The following ZNF292 variants were observed in gnomAD, a reference collection of about 807,000 sequenced individuals.
ZNF292 encodes the protein 16 zinc-finger domain protein.
A neutral mutation model predicts 217.9 loss-of-function variants in ZNF292; 26 were observed. The observed-to-expected ratio is 0.12, with a 90% CI of 0.09 to 0.17. The LOEUF (loss-of-function observed/expected upper bound fraction) is 0.17, where lower values mean the gene tolerates loss of function less well. Among genes scored for constraint, ZNF292 ranks in the 10% least tolerant of loss-of-function variants. The probability of loss-of-function intolerance (pLI) is 1.00; values close to 1 mark genes in which losing one functional copy is unlikely to be tolerated. For missense variants in ZNF292, 2,904 were observed against 3,175.2 expected (o/e 0.91, Z 2.05); for synonymous variants, 1,257 against 1,124.1 (o/e 1.12, Z -2.37).
intron 1 of ZNF292, among the ~76,000 whole-genome samples, chr6:87,196,071 G>A (rs1771947257): frequency 6.6e-6 from 1 of 151,696 alleles, no homozygotes; most frequent in Admixed American, 6.6e-5. Context: ...GAATTAGGAT[G>A]TTTCTATTTG....
chr6:87,167,545 C>T (rs1352072246), intron 1 of ZNF292, among the ~76,000 whole-genome samples: 4 of 152,136 alleles, frequency 2.6e-5, no homozygotes, highest in African/African-American at 4.8e-5. Flanking sequence ...GGAGGCTGAG[C>T]AAGGAGAATC....
chr6:87,177,260 G>A (rs879188955), intron 1 of ZNF292, among the ~76,000 whole-genome samples: 1 of 151,624 alleles, frequency 6.6e-6, no homozygotes, highest in East Asian at 1.9e-4. Flanking sequence ...CTGGGAGGCG[G>A]AGTTTGCAGT....
At chr6:87,190,629 A>G (rs1486919835) in intron 1 of ZNF292, among the ~76,000 whole-genome samples, 1 of 152,086 alleles carries the variant, frequency 6.6e-6, no homozygotes, top group Non-Finnish European at 1.5e-5. Context: ...GCGTGCCACC[A>G]CACCCAGCTA....
In ZNF292 at chr6:87,257,119, T is replaced by C. The variant is rs1281493614; in HGVS notation, c.3490T>C (p.Ser1164Pro). The change falls in exon 8 of 8, where the codon TCA (serine) becomes CCA (proline). Residue 1164 changes from serine (S) to proline (P), a missense_variant. Around this residue, in one of 15 missense-constraint regions of ZNF292, gnomAD observed 687 missense variants for 623.0 expected, o/e 1.10. Transcript: ENST00000369577. ...TTTTTTGCCATCACCGGTGAACAGCTCAAATCCATTTTTTACATCACAGAC... is the reference window on the plus strand; with the variant it reads ...TTTTTTGCCATCACCGGTGAACAGCCCAAATCCATTTTTTACATCACAGAC... ...VYFLPSPVNS[S>P]NPFFTSQTKA... is the part of the protein sequence containing the mutation. 1.2e-6 allele frequency: 2 copies of C among 1,613,748 alleles called. No individual in the cohort carries two copies. The highest frequency in any genetic ancestry group is 1.6e-4 in the Middle Eastern group (1 of 6,082).
intron 4 of ZNF292, among the ~76,000 whole-genome samples, chr6:87,231,571 CATT>C (rs1381980105): frequency 2.0e-5 from 3 of 152,158 alleles, no homozygotes; most frequent in Non-Finnish European, 2.9e-5. Context: ...GGTTTCCCAT[CATT>C]AAGAGACAAA....
rs938189505 is a variant in ZNF292, at chr6:87,183,713, C to A, written c.168+27954C>A. On this transcript the variant is annotated intron_variant, in intron 1 of 7. Coordinates refer to ENST00000369577, the MANE Select transcript of ZNF292 (RefSeq NM_015021.3). ...ATATTTTTGCAAGCATAAATAGATA[C>A]ACTAAGGATAGTCACATGGGTATAA... 3.3e-5 allele frequency among the ~76,000 whole-genome samples: 5 copies of A among 152,286 alleles called. No individual in the cohort carries two copies. In the East Asian group the frequency reaches 9.6e-4, roughly 29 times the overall value.
intron 1 of ZNF292, chr6:87,169,674 G>T: frequency 2.3e-6 from 1 of 436,222 alleles, no homozygotes; most frequent in Non-Finnish European, 4.6e-6. Flanking sequence ...TTTGAGACAG[G>T]GTCTCACTGT....
intron 1 of ZNF292, 73 bp downstream of exon 1, chr6:87,155,832 C>A: frequency 6.9e-7 from 1 of 1,449,604 alleles, no homozygotes; most frequent in South Asian, 1.4e-5. Flanking sequence ...CGCTAGGCGG[C>A]CGAGAGGTGG....
intron 1 of ZNF292, among the ~76,000 whole-genome samples, chr6:87,183,952 T>G (rs552997454): frequency 6.6e-6 from 1 of 152,310 alleles, no homozygotes; most frequent in South Asian, 2.1e-4. Context: ...AGCCAAGATC[T>G]CAAGAGATTT....
chr6:87,189,179 T>TG (rs1204645614), intron 1 of ZNF292, among the ~76,000 whole-genome samples: 1 of 151,980 alleles, frequency 6.6e-6, no homozygotes, highest in African/African-American at 2.4e-5. Flanking sequence ...CACTTCAGCC[T>TG]GGGCGACAGA....
rs1357239575 is a variant in ZNF292, at chr6:87,233,612, TTAGA to T, written c.741+89_741+92del. 12 of 1,531,236 alleles carry T rather than the reference TTAGA, an allele frequency of 7.8e-6. No homozygotes were observed. In the Admixed American group the frequency reaches 9.8e-5, roughly 12 times the overall value. The allele number at this position is 1,531,236 out of a possible 1,614,324, so 94.9% of individuals were successfully genotyped here. On this transcript the variant is annotated intron_variant, in intron 5 of 7. Transcript: ENST00000369577. ...AGAATGTCTTTGATTTCCTTTTCTC[TTAGA>T]TAGCGAAGAGATCATTGTCAATCTT...
chr6:87,242,447 C>T (rs1278904219), intron 5 of ZNF292, among the ~76,000 whole-genome samples: 1 of 152,162 alleles, frequency 6.6e-6, no homozygotes, highest in Admixed American at 6.6e-5. Flanking sequence ...CAGGATTACC[C>T]GCATTCTCCA....
chr6:87,242,635 G>T (rs73485822), intron 5 of ZNF292, among the ~76,000 whole-genome samples: 124 of 152,166 alleles, frequency 8.1e-4, no homozygotes, highest in Admixed American at 1.8e-3. Context: ...TACCATATTG[G>T]AATTAATCTT....
intron 6 of ZNF292, among the ~76,000 whole-genome samples, chr6:87,244,086 A>G (rs940148377): frequency 1.3e-5 from 2 of 152,354 alleles, no homozygotes; most frequent in Admixed American, 1.3e-4. Flanking sequence ...TTATCTGGTC[A>G]GTCAACAGCA....
intron 1 of ZNF292, among the ~76,000 whole-genome samples, chr6:87,191,623 A>T (rs1771825201): frequency 6.6e-6 from 1 of 152,176 alleles, no homozygotes; most frequent in African/African-American, 2.4e-5. Flanking sequence ...TTGTTTTTGA[A>T]GCTTTATAAT....
chr6:87,262,618 A>G lies in ZNF292; in HGVS notation c.*817A>G, dbSNP rs1395945618. On this transcript the variant is annotated 3_prime_UTR_variant, in exon 8 of 8. Transcript: ENST00000369577. Reference sequence around the variant, plus strand: ...ACATTGAAGATTTTAAACATTTGGTATTAAAAAAAAATCCTTTGTGAATGT... The same window carrying G: ...ACATTGAAGATTTTAAACATTTGGTGTTAAAAAAAAATCCTTTGTGAATGT... 1 of 151,858 alleles carries G rather than the reference A, an allele frequency of 6.6e-6. No homozygotes were observed. Among genetic ancestry groups the G allele is most frequent in the Non-Finnish European group, 1.5e-5 (1 of 67,850 alleles). 9.4% of individuals were successfully genotyped at this position (151,858 alleles called of 1,614,324 possible).
Position 87,155,857 on chromosome 6 carries a change from G to C in ZNF292, c.168+98G>C, listed in dbSNP as rs1226999013. ...CCGAGAGGTGGTCGCCGCTTCCTTG[G>C]CATCATCGGCGCCTCCGCCTGGGTG... is the stretch of plus-strand genomic sequence containing the variant. On this transcript the variant is annotated intron_variant, in intron 1 of 7. Coordinates refer to ENST00000369577, the MANE Select transcript of ZNF292 (RefSeq NM_015021.3). The C allele has an allele frequency of 6.5e-6, 9 of 1,392,962 alleles. No homozygotes were observed. The South Asian group carries it at 9.0e-5, about 14-fold the overall frequency. The allele number at this position is 1,392,962 out of a possible 1,614,324, so 86.3% of individuals were successfully genotyped here. A position where few individuals can be genotyped will look rare whatever the true frequency, so the allele number is the denominator to read the frequency against.
intron 1 of ZNF292, among the ~76,000 whole-genome samples, chr6:87,177,335 A>G (rs1256292055): frequency 6.6e-6 from 1 of 152,036 alleles, no homozygotes; most frequent in Non-Finnish European, 1.5e-5. Context: ...CAAAAAAAAA[A>G]AAAAAATGTT....
chr6:87,233,288 C>T, intron 4 of ZNF292, 37 bp from the exon 5 acceptor site: 13 of 1,432,686 alleles, frequency 9.1e-6, no homozygotes, highest in South Asian at 2.6e-5. Flanking sequence ...GAATTATTAC[C>T]AAATGTTAAT....
Sources: gnomAD v4.1 joint callset for allele counts (sites outside exome capture counted in the v4.1 genomes callset) on GRCh38, gnomAD v4.1.1 for gene constraint, gnomAD v4.1.1 regional missense constraint, MANE v1.5 for transcripts, NCBI Gene and HGNC (gene_info 2026-07-23, HGNC 2026-07-21) for gene names.